The following CAMK2D variants were observed in gnomAD, a reference collection of about 807,000 sequenced individuals.
CAMK2D encodes the protein calcium/calmodulin dependent protein kinase II delta, also known as calcium/calmodulin-dependent protein kinase type II subunit delta.
CAMK2D carries 37 observed loss-of-function variants against 84.0 expected under a neutral mutation model. The ratio of observed to expected loss-of-function variants is 0.44; its 90% CI spans 0.34 to 0.58. CAMK2D has a LOEUF of 0.58. Among genes scored for constraint, CAMK2D ranks in the 20% least tolerant of loss-of-function variants. The pLI, the probability that CAMK2D is intolerant of heterozygous loss-of-function variation, is 0.02. For synonymous variants in CAMK2D, 202 were observed against 212.5 expected (o/e 0.95, Z 0.43); for missense variants, 448 against 652.5 (o/e 0.69, Z 3.41).
At chr4:113,519,718 T>C (rs1050697854) in intron 8 of CAMK2D, among the ~76,000 whole-genome samples, 18 of 152,196 alleles carry the variant, frequency 1.2e-4, no homozygotes, top group African/African-American at 4.3e-4. Context: ...ATAAGGATAA[T>C]GTAATACTAA....
intron 16 of CAMK2D, among the ~76,000 whole-genome samples, chr4:113,498,288 C>CACTT (rs1053307409): frequency 3.9e-5 from 6 of 152,122 alleles, no homozygotes. Context: ...AATTTAAAAT[C>CACTT]ACTTAAGACC....
chr4:113,753,983 T>C, intron 2 of CAMK2D: 2 of 972,254 alleles, frequency 2.1e-6, no homozygotes, highest in Non-Finnish European at 2.4e-6. Flanking sequence ...TTTATTTAGG[T>C]AGATAGCCTT....
intron 3 of CAMK2D, among the ~76,000 whole-genome samples, chr4:113,609,984 T>G (rs897449304): frequency 6.6e-6 from 1 of 152,210 alleles, no homozygotes; most frequent in Non-Finnish European, 1.5e-5. Context: ...TACTTGTTCA[T>G]AAGCCCCACA....
At chr4:113,708,553 A>G (rs1191196759) in intron 2 of CAMK2D, among the ~76,000 whole-genome samples, 1 of 152,142 alleles carries the variant, frequency 6.6e-6, no homozygotes, top group Admixed American at 6.5e-5. Flanking sequence ...CTCACATGCA[A>G]ATCACCTAGT....
intron 5 of CAMK2D, 91 bp from the exon 6 acceptor site, chr4:113,547,807 T>C: frequency 4.1e-6 from 3 of 730,942 alleles, no homozygotes; most frequent in Non-Finnish European, 6.5e-6. Context: ...AGTGCAGAGC[T>C]AGCAGACAAC....
chr4:113,610,263 A>T (rs544789597), intron 3 of CAMK2D, among the ~76,000 whole-genome samples: 66 of 152,256 alleles, frequency 4.3e-4, no homozygotes, highest in African/African-American at 1.6e-3. Flanking sequence ...AAATCACTTG[A>T]AGTGGTGGCT....
chr4:113,732,899 G>A (rs1310800596), intron 2 of CAMK2D, among the ~76,000 whole-genome samples: 1 of 151,960 alleles, frequency 6.6e-6, no homozygotes. Flanking sequence ...TTCTCTACTA[G>A]AAGCACTGTA....
chr4:113,456,007 C>T (rs530429179), intron 19 of CAMK2D, among the ~76,000 whole-genome samples, 186 bp from the exon 20 acceptor site: 22 of 152,200 alleles, frequency 1.4e-4, no homozygotes, highest in Middle Eastern at 3.4e-3. Context: ...CACACAAAAA[C>T]GGGTGTCTTC....
intron 4 of CAMK2D, among the ~76,000 whole-genome samples, chr4:113,555,491 C>G (rs1178783197): frequency 6.6e-6 from 1 of 152,116 alleles, no homozygotes. Flanking sequence ...ATTGCCAGAC[C>G]TGAAATCCAA....
At chr4:113,510,299 C>A (rs916113863) in intron 12 of CAMK2D, among the ~76,000 whole-genome samples, 1 of 152,086 alleles carries the variant, frequency 6.6e-6, no homozygotes. Flanking sequence ...ATTATGTATT[C>A]TTTTATACAT....
intron 3 of CAMK2D, among the ~76,000 whole-genome samples, chr4:113,651,130 C>G (rs562693565): frequency 2.6e-5 from 4 of 152,114 alleles, no homozygotes; most frequent in Non-Finnish European, 5.9e-5. Flanking sequence ...AAGTGAAAAA[C>G]GTGAAAGAAT....
intron 2 of CAMK2D, chr4:113,754,372 A>G: frequency 2.0e-6 from 2 of 981,944 alleles, no homozygotes; most frequent in East Asian, 1.1e-4. Flanking sequence ...CTAGTTAACA[A>G]AAAAGTTAGA....
intron 3 of CAMK2D, among the ~76,000 whole-genome samples, chr4:113,656,813 C>G (rs1240322104): frequency 6.6e-6 from 1 of 152,138 alleles, no homozygotes; most frequent in Admixed American, 6.6e-5. Context: ...TGACAAAACG[C>G]TCTAAAGCAG....
rs547678143 is a variant in CAMK2D at position 113,551,852 on chromosome 4, TCTAA to T, written c.341+175_341+178del. Among the ~76,000 whole-genome samples the T allele has an allele frequency of 1.8e-3, 275 of 152,196 alleles. 5 individuals are homozygous for T. Among genetic ancestry groups the T allele is most frequent in the Non-Finnish European group, 2.4e-3 (166 of 68,040 alleles). ...TTGTTGTTTTTGATAAAATATGTAA[TCTAA>T]CTACAGATGCTAGATAAAAATATAG... On this transcript the variant is annotated intron_variant, in intron 5 of 20. Coordinates refer to ENST00000511664, the MANE Select transcript of CAMK2D (RefSeq NM_001321571.2).
intron 4 of CAMK2D, among the ~76,000 whole-genome samples, chr4:113,570,108 A>C (rs1293898247): frequency 2.0e-5 from 3 of 152,158 alleles, no homozygotes; most frequent in Non-Finnish European, 2.9e-5. Flanking sequence ...TAAAACATTG[A>C]TAAAAGAAAT....
rs117418828 is a variant in CAMK2D at position 113,616,954 on chromosome 4, A to T, written c.221-7748T>A. ...CTAAAAAGGTAATTTCATTTCTTGG[A>T]AAAGTTGATACTCATTTCAAGAGTA... On this transcript the variant is annotated intron_variant, in intron 3 of 20. Coordinates refer to ENST00000511664, the MANE Select transcript of CAMK2D (RefSeq NM_001321571.2). 5.6e-3 allele frequency among the ~76,000 whole-genome samples: 857 copies of T among 152,252 alleles called. 30 individuals carry two copies. The East Asian group carries it at 0.11, about 20-fold the overall frequency.
In CAMK2D at chr4:113,509,635, T is replaced by G; in HGVS notation, c.984+3A>C. The G allele has an allele frequency of 1.3e-6, 2 of 1,596,600 alleles. No individual in the cohort carries two copies. The highest frequency in any genetic ancestry group is 1.7e-6 in the Non-Finnish European group (2 of 1,163,984). ...ATGGATTAGGGGCATCTGTTTAACT[T>G]ACCTTTACTCCATCTGGTTTCTTCA... is the stretch of plus-strand genomic sequence containing the variant. On this transcript the variant is annotated splice_donor_region_variant and intron_variant, in intron 13 of 20. Coordinates refer to ENST00000511664, the MANE Select transcript of CAMK2D (RefSeq NM_001321571.2).
At chr4:113,676,941 C>A (rs571112991) in intron 2 of CAMK2D, among the ~76,000 whole-genome samples, 1 of 152,286 alleles carries the variant, frequency 6.6e-6, no homozygotes, top group East Asian at 1.9e-4. Context: ...TAAATCAATT[C>A]CTGTGCTTTT....
At chr4:113,531,044 A>C (rs1405258119) in intron 8 of CAMK2D, among the ~76,000 whole-genome samples, 172 bp downstream of exon 8, 1 of 152,186 alleles carries the variant, frequency 6.6e-6, no homozygotes, top group Admixed American at 6.5e-5. Context: ...GGATTGTACC[A>C]CTGCACTCCA....
Sources: allele counts gnomAD v4.1 joint callset (sites outside exome capture counted in the v4.1 genomes callset), GRCh38; gene constraint gnomAD v4.1.1; transcripts MANE v1.5; gene names NCBI Gene and HGNC (gene_info 2026-07-23, HGNC 2026-07-21).